The following NEDD9 variants were observed in gnomAD, a reference collection of about 807,000 sequenced individuals.
NEDD9 encodes neural precursor cell expressed, developmentally down-regulated 9.
Under a neutral mutation model 76.6 loss-of-function variants are expected in NEDD9, and 26 were observed. That is an observed-to-expected ratio of 0.34 (90% CI 0.25 to 0.47). The LOEUF (loss-of-function observed/expected upper bound fraction) is 0.47. Among genes scored for constraint, NEDD9 ranks in the 20% least tolerant of loss-of-function variants. The probability of loss-of-function intolerance (pLI) is 1.00; values close to 1 mark genes in which losing one functional copy is unlikely to be tolerated. For missense variants in NEDD9, 937 were observed against 1,058.5 expected, an observed-to-expected ratio of 0.89 and a Z score of 1.59; for synonymous variants, 392 against 414.2, an observed-to-expected ratio of 0.95 and a Z score of 0.65.
chr6:11,344,305 A>G (rs557274184), intron 1 of NEDD9, among the ~76,000 whole-genome samples: 1 of 152,228 alleles, frequency 6.6e-6, no homozygotes, highest in South Asian at 2.1e-4. Context: ...CACCTGGTCC[A>G]CTCTGTTGGA....
chr6:11,224,353 T>C (rs1467570653), intron 1 of NEDD9, among the ~76,000 whole-genome samples: 1 of 152,180 alleles, frequency 6.6e-6, no homozygotes, highest in Non-Finnish European at 1.5e-5. Flanking sequence ...AAGGAGGCTG[T>C]CGGGCTGCGT....
intron 1 of NEDD9, among the ~76,000 whole-genome samples, chr6:11,347,923 G>A (rs892215802): frequency 6.6e-6 from 1 of 152,182 alleles, no homozygotes; most frequent in African/African-American, 2.4e-5. Context: ...ATGCAACATA[G>A]TATTGGAAGC....
intron 3 of NEDD9, among the ~76,000 whole-genome samples, chr6:11,255,929 TCTC>T: frequency 6.6e-6 from 1 of 152,040 alleles, no homozygotes; most frequent in Non-Finnish European, 1.5e-5. Context: ...GACGCTGTAT[TCTC>T]CTGATCTCCC....
chr6:11,251,299 T>C (rs922534950), intron 3 of NEDD9: 2 of 152,214 alleles, frequency 1.3e-5, no homozygotes, highest in Non-Finnish European at 2.9e-5. Flanking sequence ...CTTTGTCTCT[T>C]GTCCTCTACT....
At chr6:11,227,929 C>T (rs1561797620) in intron 1 of NEDD9, among the ~76,000 whole-genome samples, 1 of 151,956 alleles carries the variant, frequency 6.6e-6, no homozygotes, top group Non-Finnish European at 1.5e-5. Flanking sequence ...ACTGACAGGC[C>T]ACTCAAGTCA....
rs573670085 is a variant in NEDD9 at position 11,304,794 on chromosome 6, C to T, written c.12+1198G>A. Among the ~76,000 whole-genome samples, 66 of 152,150 alleles carry T rather than the reference C, an allele frequency of 4.3e-4. 3 individuals are homozygous for T. The highest frequency in any genetic ancestry group is 1.3e-3 in the African/African-American group (53 of 41,490). On this transcript the variant is annotated intron_variant, in intron 3 of 3. Transcript: ENST00000397378. ...ACACAGGGTGGGGAACCTCACACAC[C>T]GGGGCCTGTCAGTGGGTGGGGGCCT... is the stretch of plus-strand genomic sequence containing the variant.
intron 1 of NEDD9, among the ~76,000 whole-genome samples, chr6:11,349,497 A>G (rs1021569058): frequency 3.3e-5 from 5 of 152,258 alleles, no homozygotes; most frequent in African/African-American, 1.2e-4. Flanking sequence ...ACTATTCACA[A>G]TAGCCAAGAC....
At chr6:11,200,984 C>CA (rs752597782) in intron 2 of NEDD9, 6 of 1,614,230 alleles carry the variant, frequency 3.7e-6, no homozygotes, top group Non-Finnish European at 4.2e-6. Flanking sequence ...TGGAGGTTCA[C>CA]AAGCTGGTTT....
At chr6:11,358,909 C>T (rs1416747970) in intron 1 of NEDD9, among the ~76,000 whole-genome samples, 1 of 152,170 alleles carries the variant, frequency 6.6e-6, no homozygotes, top group Non-Finnish European at 1.5e-5. Context: ...GAAAGGTAGC[C>T]TTGCTGTGGC....
intron 2 of NEDD9, among the ~76,000 whole-genome samples, chr6:11,194,588 A>C (rs1016424997): frequency 1.3e-5 from 2 of 152,214 alleles, no homozygotes; most frequent in Non-Finnish European, 2.9e-5. Context: ...CTAACGTATC[A>C]AACAAACAAA....
At chr6:11,215,656 G>A (rs904689574) in intron 1 of NEDD9, among the ~76,000 whole-genome samples, 2 of 152,174 alleles carry the variant, frequency 1.3e-5, no homozygotes, top group Admixed American at 6.5e-5. Flanking sequence ...ATTAAGTGAG[G>A]AGATAGCTGA....
At chr6:11,195,588 T>C (rs1758272396) in intron 2 of NEDD9, among the ~76,000 whole-genome samples, 1 of 152,256 alleles carries the variant, frequency 6.6e-6, no homozygotes, top group South Asian at 2.1e-4. Context: ...CAGCTTTTGT[T>C]CAGCTTAAAA....
intron 3 of NEDD9, among the ~76,000 whole-genome samples, chr6:11,267,048 A>G (rs1581990311): frequency 6.6e-6 from 1 of 152,236 alleles, no homozygotes; most frequent in Admixed American, 6.5e-5. Context: ...TTATAGCACC[A>G]TGTCAAAGAG....
At chr6:11,220,735 C>T (rs1241471238) in intron 1 of NEDD9, among the ~76,000 whole-genome samples, 2 of 152,198 alleles carry the variant, frequency 1.3e-5, no homozygotes, top group African/African-American at 2.4e-5. Flanking sequence ...AAATCTCTCT[C>T]TGACCAGATT....
At chr6:11,322,284 G>A (rs1034719059) in intron 2 of NEDD9, among the ~76,000 whole-genome samples, 4 of 151,974 alleles carry the variant, frequency 2.6e-5, no homozygotes, top group South Asian at 2.1e-4. Context: ...CATGGCACAC[G>A]TATACCTGTG....
chr6:11,277,731 A>G (rs1380706984), intron 3 of NEDD9, among the ~76,000 whole-genome samples: 1 of 152,208 alleles, frequency 6.6e-6, no homozygotes, highest in African/African-American at 2.4e-5. Flanking sequence ...TTCTTCCAGC[A>G]TGTGGGAACT....
At position 11,184,288 on chromosome 6, in the gene NEDD9, C is replaced by A. The variant is rs1262949439; in HGVS notation, c.*874G>T. 1 of 152,166 alleles carries A rather than the reference C, an allele frequency of 6.6e-6. No individual in the cohort carries two copies. The highest frequency in any genetic ancestry group is 2.4e-5 in the African/African-American group (1 of 41,446). 9.4% of individuals were successfully genotyped at this position (152,166 alleles called of 1,614,324 possible). ...CAAACCATTCCCCTATTTTGGTGAA[C>A]AATCATAGTCTGATACGCCTTTGTA... On this transcript the variant is annotated 3_prime_UTR_variant, in exon 7 of 7. Coordinates refer to ENST00000379446, the MANE Select transcript of NEDD9 (RefSeq NM_006403.4).
rs1382237209 is a variant in NEDD9 at position 11,198,543 on chromosome 6, TC to T, written c.460-4852del. On this transcript the variant is annotated intron_variant, in intron 2 of 6. Coordinates refer to ENST00000379446, the MANE Select transcript of NEDD9 (RefSeq NM_006403.4). The surrounding 1 kb of genome is among the most constrained non-coding windows in gnomAD (Gnocchi z 4.7). ...TTCCCAAACAGATAATATGTCTCTA[TC>T]CTTGGAACTCCCTGAGCCAGTGATC... 6.6e-6 allele frequency: 1 copy of T among 152,222 alleles called. No homozygotes were observed. Among genetic ancestry groups the T allele is most frequent in the Non-Finnish European group, 1.5e-5 (1 of 68,054 alleles). The allele number at this position is 152,222 out of a possible 1,614,324, so 9.4% of individuals were successfully genotyped here.
At chr6:11,356,219 T>C (rs1048194217) in intron 1 of NEDD9, among the ~76,000 whole-genome samples, 6 of 152,284 alleles carry the variant, frequency 3.9e-5, no homozygotes, top group East Asian at 1.9e-4. Flanking sequence ...TTTTTCTCTT[T>C]GTTATGGGGC....
Sources: allele counts gnomAD v4.1 joint callset (sites outside exome capture counted in the v4.1 genomes callset), GRCh38; gene constraint gnomAD v4.1.1; non-coding constraint Gnocchi (gnomAD v3.1); transcripts MANE v1.5; gene names NCBI Gene and HGNC (gene_info 2026-07-23, HGNC 2026-07-21).